PHACTR1: variants seen among roughly 807,000 people sequenced by gnomAD.
PHACTR1 encodes the protein RPEL repeat containing 1.
Under a neutral mutation model 69.2 loss-of-function variants are expected in PHACTR1, and 16 were observed. That is an observed-to-expected ratio of 0.23 (90% CI 0.16 to 0.35). The LOEUF (loss-of-function observed/expected upper bound fraction) is 0.35. Among genes scored for constraint, PHACTR1 ranks in the 10% least tolerant of loss-of-function variants. The pLI is 1.00. For synonymous variants in PHACTR1, 312 were observed against 284.5 expected, an observed-to-expected ratio of 1.10 and a Z score of -0.97; for missense variants, 510 against 734.7, an observed-to-expected ratio of 0.69 and a Z score of 3.54.
At chr6:12,943,196 G>A (rs930132002) in intron 4 of PHACTR1, among the ~76,000 whole-genome samples, 3 of 152,200 alleles carry the variant, frequency 2.0e-5, no homozygotes, top group Non-Finnish European at 2.9e-5. Context: ...GCCATAGAAA[G>A]AAAGAAAGTA....
intron 4 of PHACTR1, among the ~76,000 whole-genome samples, chr6:12,915,668 A>G (rs1303625031): frequency 6.6e-6 from 1 of 152,130 alleles, no homozygotes; most frequent in Non-Finnish European, 1.5e-5. Flanking sequence ...GCTGAGCTAT[A>G]ATAAATCTGA....
chr6:12,922,896 T>G (rs888178162), intron 4 of PHACTR1, among the ~76,000 whole-genome samples: 3 of 152,152 alleles, frequency 2.0e-5, no homozygotes, highest in African/African-American at 7.2e-5. Flanking sequence ...TAGCACCTCC[T>G]CCCACAACCC....
At chr6:12,823,799 A>C (rs1467116713) in intron 4 of PHACTR1, among the ~76,000 whole-genome samples, 2 of 152,230 alleles carry the variant, frequency 1.3e-5, no homozygotes, top group Non-Finnish European at 2.9e-5. Context: ...TTAATTCATC[A>C]TATTCATTTC....
At chr6:13,003,309 A>C (rs1200320201) in intron 4 of PHACTR1, among the ~76,000 whole-genome samples, 1 of 152,184 alleles carries the variant, frequency 6.6e-6, no homozygotes, top group East Asian at 1.9e-4. Context: ...CTAAGGATTG[A>C]TTCTTTTTGT....
chr6:13,244,894 T>C (rs1423782259), intron 10 of PHACTR1, among the ~76,000 whole-genome samples: 1 of 152,222 alleles, frequency 6.6e-6, no homozygotes, highest in Non-Finnish European at 1.5e-5. Context: ...ACAAGGGTAT[T>C]GATTGGGGAA....
intron 4 of PHACTR1, among the ~76,000 whole-genome samples, chr6:12,859,620 G>A (rs1274531257): frequency 4.6e-5 from 7 of 152,156 alleles, no homozygotes; most frequent in Admixed American, 6.5e-5. Flanking sequence ...AGTAGCAGCA[G>A]CAAACACATC....
intron 4 of PHACTR1, among the ~76,000 whole-genome samples, chr6:12,843,407 G>T (rs537031164): frequency 1.3e-5 from 2 of 152,298 alleles, no homozygotes; most frequent in East Asian, 3.9e-4. Flanking sequence ...CTTGAAGGCT[G>T]GGGGTGGCAG....
chr6:13,119,652 C>T lies in PHACTR1; in HGVS notation c.416-40552C>T, dbSNP rs370282623. Among the ~76,000 whole-genome samples, 4 of 152,296 alleles carry T rather than the reference C, an allele frequency of 2.6e-5. No individual in the cohort carries two copies. In the South Asian group the frequency reaches 8.3e-4, roughly 32 times the overall value. On this transcript the variant is annotated intron_variant, in intron 5 of 14. Coordinates refer to ENST00000332995, the MANE Select transcript of PHACTR1 (RefSeq NM_030948.6). ...TTCCTACTGAGGAGGAGGTTCAGAC[C>T]TCTGCCTGTGCTCCAGCAGGTCATC... is the stretch of plus-strand genomic sequence containing the variant.
intron 4 of PHACTR1, among the ~76,000 whole-genome samples, chr6:12,829,681 G>A (rs1289509992): frequency 1.3e-5 from 2 of 151,826 alleles, no homozygotes; most frequent in Non-Finnish European, 2.9e-5. Flanking sequence ...GAGGCCAGGC[G>A]CGGTGGCTCA....
At chr6:12,937,434 C>T (rs1789585620) in intron 4 of PHACTR1, among the ~76,000 whole-genome samples, 1 of 152,062 alleles carries the variant, frequency 6.6e-6, no homozygotes, top group Non-Finnish European at 1.5e-5. Context: ...CTGCAACCTC[C>T]ACCTCCTGGG....
intron 4 of PHACTR1, among the ~76,000 whole-genome samples, chr6:12,826,633 T>A (rs941915096): frequency 2.0e-5 from 3 of 152,226 alleles, no homozygotes; most frequent in Non-Finnish European, 2.9e-5. Flanking sequence ...GTCTTAAGTA[T>A]GTAATTTACA....
intron 4 of PHACTR1, among the ~76,000 whole-genome samples, chr6:12,845,443 C>T (rs908808857): frequency 2.7e-5 from 3 of 110,056 alleles, no homozygotes; most frequent in African/African-American, 1.0e-4. Context: ...CCCCCCCCCC[C>T]GCCCTCCGTG....
intron 4 of PHACTR1, among the ~76,000 whole-genome samples, chr6:12,800,071 C>A (rs1156503336): frequency 6.6e-6 from 1 of 152,166 alleles, no homozygotes; most frequent in Non-Finnish European, 1.5e-5. Context: ...ACAGGCACAG[C>A]AAACCCAGGT....
intron 4 of PHACTR1, among the ~76,000 whole-genome samples, chr6:12,990,873 T>C (rs1428683337): frequency 6.6e-6 from 1 of 152,182 alleles, no homozygotes; most frequent in East Asian, 1.9e-4. Context: ...GGCTCCTCTC[T>C]GAAGTCATGC....
chr6:12,792,070 A>G (rs926252562), intron 4 of PHACTR1, among the ~76,000 whole-genome samples: 1 of 152,186 alleles, frequency 6.6e-6, no homozygotes, highest in Non-Finnish European at 1.5e-5. Flanking sequence ...ATGCAGGTAT[A>G]TATGTATGGA....
intron 4 of PHACTR1, among the ~76,000 whole-genome samples, chr6:12,925,268 A>G (rs1221195584): frequency 1.3e-5 from 2 of 152,200 alleles, no homozygotes; most frequent in African/African-American, 4.8e-5. Flanking sequence ...ATGTTGTGAT[A>G]TTAGCTATAG....
At chr6:13,031,054 G>A (rs1561718366) in intron 4 of PHACTR1, among the ~76,000 whole-genome samples, 1 of 152,170 alleles carries the variant, frequency 6.6e-6, no homozygotes, top group African/African-American at 2.4e-5. Flanking sequence ...TTGGCCAAAT[G>A]TCTCATGGGA....
intron 4 of PHACTR1, among the ~76,000 whole-genome samples, chr6:12,968,760 G>T (rs533458248): frequency 4.1e-4 from 63 of 152,290 alleles, no homozygotes; most frequent in African/African-American, 1.4e-3. Flanking sequence ...GACACAAATG[G>T]ACTCCACTGA....
chr6:12,868,538 G>A (rs890973454), intron 4 of PHACTR1, among the ~76,000 whole-genome samples: 1 of 152,044 alleles, frequency 6.6e-6, no homozygotes, highest in Non-Finnish European at 1.5e-5. Context: ...CTCTTTCATC[G>A]ATTTCACCAA....
Sources: allele counts gnomAD v4.1 joint callset (sites outside exome capture counted in the v4.1 genomes callset), GRCh38; gene constraint gnomAD v4.1.1; transcripts MANE v1.5; gene names NCBI Gene and HGNC (gene_info 2026-07-23, HGNC 2026-07-21).